The following LIPJ variants were observed in gnomAD, a reference collection of about 807,000 sequenced individuals.
LIPJ encodes the protein lipase family member J, also known as lipase member J.
Under a neutral mutation model 39.8 loss-of-function variants are expected in LIPJ, and 33 were observed. That is an observed-to-expected ratio of 0.83 (90% confidence interval 0.63 to 1.11). The LOEUF is 1.11. Ranked by LOEUF, LIPJ falls within the 50% of genes least tolerant of loss-of-function variation. The pLI, the probability that LIPJ is intolerant of heterozygous loss-of-function variation, is 0.00. For synonymous variants in LIPJ, 128 were observed against 139.2 expected, an observed-to-expected ratio of 0.92 and a Z score of 0.57; for missense variants, 422 against 427.9, an observed-to-expected ratio of 0.99 and a Z score of 0.12.
upstream of LIPJ, among the ~76,000 whole-genome samples, chr10:88,584,737 A>G (rs1387184814): frequency 1.3e-5 from 2 of 152,174 alleles, no homozygotes; most frequent in Non-Finnish European, 2.9e-5. Flanking sequence ...AGCTGGGACT[A>G]CAGGTGCCCA....
upstream of LIPJ, chr10:88,585,758 T>C (rs561274503): frequency 3.9e-5 from 6 of 152,318 alleles, no homozygotes; most frequent in East Asian, 1.2e-3. Context: ...TTACTGGGAT[T>C]ATTACCGTAG....
At chr10:88,613,601 A>G in the LIPJ span, among the ~76,000 whole-genome samples, 3 of 151,712 alleles carry the variant, frequency 2.0e-5, no homozygotes, top group South Asian at 2.1e-4. Flanking sequence ...TGAATCTCTA[A>G]GATTCCATTT....
chr10:88,590,424 C>T (rs1222020101), intron 2 of LIPJ, among the ~76,000 whole-genome samples, 161 bp from the exon 3 acceptor site: 3 of 151,758 alleles, frequency 2.0e-5, no homozygotes, highest in Non-Finnish European at 4.4e-5. Context: ...GCCAGTTATA[C>T]ATTTTATGGT....
upstream of LIPJ, chr10:88,583,559 A>T (rs768708988): frequency 1.4e-5 from 15 of 1,048,954 alleles, no homozygotes; most frequent in Non-Finnish European, 1.7e-5. Context: ...AGCTTAACCT[A>T]TCTACTGCGA....
At chr10:88,611,246 G>T (rs1851748162), downstream of LIPJ, among the ~76,000 whole-genome samples, 1 of 152,170 alleles carries the variant, frequency 6.6e-6, no homozygotes, top group South Asian at 2.1e-4. Context: ...CACCCCATGG[G>T]ACAAAGTAAT....
At chr10:88,622,491 C>T in the LIPJ span, among the ~76,000 whole-genome samples, 1 of 152,284 alleles carries the variant, frequency 6.6e-6, no homozygotes, top group South Asian at 2.1e-4. Flanking sequence ...CAGAGATTTC[C>T]AGGCTCCATC....
chr10:88,598,932 TATA>T (rs370142601), intron 8 of LIPJ, among the ~76,000 whole-genome samples: 2,519 of 137,936 alleles, frequency 0.018, 65 homozygotes, highest in South Asian at 0.091. Flanking sequence ...TATTTAATAA[TATA>T]ATATTTTATA....
intron 6 of LIPJ, among the ~76,000 whole-genome samples, chr10:88,595,242 A>C (rs1172991163): frequency 6.6e-6 from 1 of 151,786 alleles, no homozygotes; most frequent in Non-Finnish European, 1.5e-5. Flanking sequence ...AGATGACTAG[A>C]AAAGAACTTT....
intron 8 of LIPJ, 22 bp downstream of exon 8, chr10:88,596,958 A>AAT: frequency 1.6e-6 from 2 of 1,281,980 alleles, no homozygotes; most frequent in Non-Finnish European, 2.2e-6. Context: ...TTGTATTTGA[A>AAT]ATATATATAT....
intron 2 of LIPJ, among the ~76,000 whole-genome samples, chr10:88,588,210 T>C (rs1850971403): frequency 6.6e-6 from 1 of 151,864 alleles, no homozygotes; most frequent in South Asian, 2.1e-4. Flanking sequence ...ATGACAAAAT[T>C]ATTTATCTTT....
chr10:88,591,266 G>T, intron 3 of LIPJ, 112 bp from the exon 4 acceptor site: 1 of 699,420 alleles, frequency 1.4e-6, no homozygotes, highest in Non-Finnish European at 2.3e-6. Context: ...TAGGCTTGAG[G>T]TTGAGAGAGA....
intron 8 of LIPJ, among the ~76,000 whole-genome samples, chr10:88,600,324 A>C (rs1466160986): frequency 6.6e-6 from 1 of 152,126 alleles, no homozygotes; most frequent in Non-Finnish European, 1.5e-5. Flanking sequence ...CTTTGTGCTT[A>C]AGTTTGAATA....
chr10:88,590,610 A>G lies in LIPJ; in HGVS notation c.-78A>G, dbSNP rs1851046254. ...GTCCCAAACGTGGTATCTTTTCACA[A>G]TGATGTATTTTATCCGAATTCTTGG... On this transcript the variant is annotated 5_prime_UTR_variant, in exon 3 of 11. It removes an upstream start codon present in the reference 5' UTR. Transcript: ENST00000371939. The G allele has an allele frequency of 5.2e-6, 6 of 1,153,626 alleles. No individual in the cohort carries two copies. Among genetic ancestry groups the G allele is most frequent in the Non-Finnish European group, 5.2e-6 (4 of 766,096 alleles). The allele number at this position is 1,153,626 out of a possible 1,614,324, so 71.5% of individuals were successfully genotyped here. A position where few individuals can be genotyped will look rare whatever the true frequency, so the allele number is the denominator to read the frequency against.
intron 8 of LIPJ, among the ~76,000 whole-genome samples, chr10:88,601,744 A>C (rs899668366): frequency 2.0e-5 from 3 of 152,192 alleles, no homozygotes; most frequent in African/African-American, 7.2e-5. Flanking sequence ...GAGGCTTCTT[A>C]AAATAATTTT....
chr10:88,598,984 A>T (rs1373059811), intron 8 of LIPJ, among the ~76,000 whole-genome samples: 3 of 146,190 alleles, frequency 2.1e-5, no homozygotes, highest in African/African-American at 7.5e-5. Flanking sequence ...TATTACAATA[A>T]TATAAAATAT....
upstream of LIPJ, chr10:88,583,308 A>C: frequency 6.8e-7 from 1 of 1,470,558 alleles, no homozygotes; most frequent in Admixed American, 2.4e-5. Context: ...CCCTGGGCCG[A>C]CCTGGGCCCT....
the LIPJ span, among the ~76,000 whole-genome samples, chr10:88,622,595 C>G: frequency 1.3e-5 from 2 of 152,104 alleles, no homozygotes; most frequent in South Asian, 4.1e-4. Context: ...GACCCAGGGA[C>G]CAGACTTTGA....
At position 88,596,323 on chromosome 10, in the gene LIPJ, C is replaced by A; in HGVS notation, c.483C>A (p.Ile161=). 4 of 1,542,874 alleles carry A rather than the reference C, an allele frequency of 2.6e-6. No individual in the cohort carries two copies. The South Asian group carries it at 5.1e-5, about 20-fold the overall frequency. Residue 161 remains isoleucine, a synonymous_variant, in exon 7 of 11, where the codon ATC becomes ATA. Coordinates refer to ENST00000371939, the Ensembl canonical transcript of LIPJ. ...CTATATCAAAGATAGCTGAAAGAAT[C>A]AAAATATTTTTTGCTTTAGCACCAG...
chr10:88,616,559 G>A, the LIPJ span, among the ~76,000 whole-genome samples: 1 of 152,218 alleles, frequency 6.6e-6, no homozygotes, highest in African/African-American at 2.4e-5. Flanking sequence ...TGAGGCGGGG[G>A]ATCCTCAGGC....
Sources: allele counts gnomAD v4.1 joint callset (sites outside exome capture counted in the v4.1 genomes callset), GRCh38; gene constraint gnomAD v4.1.1; transcripts MANE v1.5; gene names NCBI Gene and HGNC (gene_info 2026-07-23, HGNC 2026-07-21).